Variants in BACH2 observed in about 807,000 individuals in gnomAD.
BACH2 encodes BACH transcriptional regulator 2.
In BACH2, 5 loss-of-function variants were observed where a neutral mutation model predicts 61.8. The ratio of observed to expected loss-of-function variants is 0.08; its 90% confidence interval spans 0.04 to 0.17. The LOEUF is 0.17. Among genes scored for constraint, BACH2 ranks in the 10% least tolerant of loss-of-function variants. The probability of loss-of-function intolerance (pLI) is 1.00; values close to 1 mark genes in which losing one functional copy is unlikely to be tolerated. For missense variants in BACH2, 824 were observed against 1,091.1 expected (o/e 0.76, Z 3.45); for synonymous variants, 446 against 440.1 (o/e 1.01, Z -0.17).
intron 3 of BACH2, among the ~76,000 whole-genome samples, chr6:90,238,767 T>C (rs1212156783): frequency 2.0e-5 from 3 of 152,208 alleles, no homozygotes; most frequent in African/African-American, 7.2e-5. Context: ...AATTCTTCAA[T>C]CTCATTTTCC....
chr6:90,019,444 G>A (rs1038034013), intron 5 of BACH2, among the ~76,000 whole-genome samples: 9 of 152,220 alleles, frequency 5.9e-5, no homozygotes, highest in African/African-American at 1.9e-4. Flanking sequence ...GACCAACTTT[G>A]TGGATCTGGA....
intron 7 of BACH2, among the ~76,000 whole-genome samples, chr6:89,947,037 C>A (rs891951102): frequency 9.2e-5 from 14 of 152,084 alleles, no homozygotes; most frequent in Non-Finnish European, 1.9e-4. Context: ...GTTTTGGCTC[C>A]CTACGGGGTG....
intron 6 of BACH2, among the ~76,000 whole-genome samples, chr6:89,970,052 T>A (rs1484725439): frequency 2.0e-5 from 3 of 152,158 alleles, no homozygotes; most frequent in Non-Finnish European, 4.4e-5. Context: ...AAAGAAGGCA[T>A]TTCAGAAAGT....
At position 90,153,323 on chromosome 6, in the gene BACH2, T is replaced by C. The variant is rs1386933420; in HGVS notation, c.-162+53246A>G. Among the ~76,000 whole-genome samples, 4 of 152,212 alleles carry C rather than the reference T, an allele frequency of 2.6e-5. No individual in the cohort carries two copies. The East Asian group carries it at 7.7e-4, about 29-fold the overall frequency. On this transcript the variant is annotated intron_variant, in intron 4 of 8. Transcript: ENST00000257749. ...AGGTGACTCTGGGCAAGTCACTGTA[T>C]ATCTAAGATCCAGATTCTTTTCCTA...
chr6:90,036,605 T>C (rs932559609), intron 5 of BACH2, among the ~76,000 whole-genome samples: 5 of 152,270 alleles, frequency 3.3e-5, no homozygotes, highest in Admixed American at 2.6e-4. Context: ...TCTATATCCA[T>C]CAGATTTTTT....
intron 4 of BACH2, among the ~76,000 whole-genome samples, chr6:90,149,227 G>A (rs1181785988): frequency 6.6e-6 from 1 of 152,056 alleles, no homozygotes; most frequent in Non-Finnish European, 1.5e-5. Context: ...TATGATAAGG[G>A]GCAAGTAACC....
In BACH2 at chr6:89,943,893, G is replaced by A. The variant is rs571392102; in HGVS notation, c.1837-5543C>T. Among the ~76,000 whole-genome samples, 4 of 152,284 alleles carry A rather than the reference G, an allele frequency of 2.6e-5. No homozygotes were observed. The South Asian group carries it at 6.2e-4, about 24-fold the overall frequency. On this transcript the variant is annotated intron_variant, in intron 7 of 8. Transcript: ENST00000257749. ...TGGTCAGCTCTCCGAAGTCTTTAAC[G>A]CCTGTACTCTGAGGAGACCCTCAGA...
chr6:90,251,273 A>G (rs1770799631), intron 3 of BACH2, among the ~76,000 whole-genome samples: 1 of 152,166 alleles, frequency 6.6e-6, no homozygotes, highest in Admixed American at 6.5e-5. Context: ...TGTAAGCCAT[A>G]ATATTCTTTT....
chr6:90,196,474 T>C (rs1768761163), intron 4 of BACH2, among the ~76,000 whole-genome samples: 1 of 152,228 alleles, frequency 6.6e-6, no homozygotes, highest in Non-Finnish European at 1.5e-5. Context: ...ATTTCAATTG[T>C]TTAATATTCC....
At chr6:89,964,666 A>G (rs1774949930) in intron 6 of BACH2, among the ~76,000 whole-genome samples, 1 of 152,252 alleles carries the variant, frequency 6.6e-6, no homozygotes, top group African/African-American at 2.4e-5. Context: ...TGGCAAATCA[A>G]TAACCACTCA....
intron 5 of BACH2, among the ~76,000 whole-genome samples, chr6:90,033,293 C>T (rs1053565686): frequency 3.4e-5 from 5 of 149,242 alleles, no homozygotes; most frequent in African/African-American, 1.2e-4. Context: ...ACCAACATGG[C>T]ACATGTATAC....
At chr6:90,053,267 T>G (rs1174045713) in intron 5 of BACH2, among the ~76,000 whole-genome samples, 1 of 152,154 alleles carries the variant, frequency 6.6e-6, no homozygotes, top group African/African-American at 2.4e-5. Context: ...TTCTTCTTTC[T>G]GAAGTATACG....
chr6:90,083,345 A>G (rs1195031305), intron 5 of BACH2, among the ~76,000 whole-genome samples: 3 of 152,200 alleles, frequency 2.0e-5, no homozygotes, highest in Non-Finnish European at 4.4e-5. Flanking sequence ...GACTCAGAGA[A>G]TTATCTTTTG....
chr6:90,199,587 A>G (rs185603852), intron 4 of BACH2, among the ~76,000 whole-genome samples: 1 of 152,326 alleles, frequency 6.6e-6, no homozygotes, highest in African/African-American at 2.4e-5. Context: ...AGGGAGTTAT[A>G]GTGCTATTTT....
intron 4 of BACH2, among the ~76,000 whole-genome samples, chr6:90,187,548 C>T (rs1042591213): frequency 6.6e-6 from 1 of 152,156 alleles, no homozygotes; most frequent in African/African-American, 2.4e-5. Context: ...TCACCAGGAG[C>T]GCAGGCTCAC....
Position 89,927,899 on chromosome 6 carries a change from A to G in BACH2, c.*4509T>C, listed in dbSNP as rs1242828271. The G allele has an allele frequency of 1.3e-5, 2 of 152,540 alleles. No homozygotes were observed. Among genetic ancestry groups the G allele is most frequent in the African/African-American group, 4.8e-5 (2 of 41,460 alleles). The allele number at this position is 152,540 out of a possible 1,614,324, so 9.4% of individuals were successfully genotyped here. On this transcript the variant is annotated 3_prime_UTR_variant, in exon 9 of 9. Transcript: ENST00000257749. ...TGTGTACAGATATGTTCTGTTCTAC[A>G]GCATCGGTTTTGGACGCTGGGGTCA...
At chr6:90,121,404 T>C (rs207275) in intron 4 of BACH2, among the ~76,000 whole-genome samples, 81,199 of 151,966 alleles carry the variant, frequency 0.53, 22,365 homozygotes, top group African/African-American at 0.63. Context: ...CTTCTTGTTG[T>C]TTTTTCTGAT....
At chr6:89,962,271 C>A (rs1774788090) in intron 6 of BACH2, among the ~76,000 whole-genome samples, 1 of 152,096 alleles carries the variant, frequency 6.6e-6, no homozygotes, top group Non-Finnish European at 1.5e-5. Flanking sequence ...CTTCCTTTCC[C>A]TTTTCCAAGT....
intron 3 of BACH2, among the ~76,000 whole-genome samples, chr6:90,238,140 A>G (rs1770318795): frequency 6.6e-6 from 1 of 152,218 alleles, no homozygotes; most frequent in Non-Finnish European, 1.5e-5. Flanking sequence ...ATGAAGTCAT[A>G]CTCTATACGA....
Sources: allele counts gnomAD v4.1 joint callset (sites outside exome capture counted in the v4.1 genomes callset), GRCh38; gene constraint gnomAD v4.1.1; transcripts MANE v1.5; gene names NCBI Gene and HGNC (gene_info 2026-07-23, HGNC 2026-07-21).